KCNH1: variants seen among roughly 807,000 people sequenced by gnomAD.
KCNH1 encodes voltage-gated delayed rectifier potassium channel KCNH1.
Under a neutral mutation model 69.2 loss-of-function variants are expected in KCNH1, and 27 were observed. That is an observed-to-expected ratio of 0.39 (90% confidence interval 0.29 to 0.54). The LOEUF (loss-of-function observed/expected upper bound fraction) is 0.54, where lower values mean the gene tolerates loss of function less well. Ranked by LOEUF, KCNH1 falls within the 20% of genes least tolerant of loss-of-function variation. The pLI is 0.68. For synonymous variants in KCNH1, 456 were observed against 487.7 expected, an observed-to-expected ratio of 0.93 and a Z score of 0.86; for missense variants, 798 against 1,261.6, an observed-to-expected ratio of 0.63 and a Z score of 5.57.
chr1:211,075,622 G>A (rs1368996712), intron 5 of KCNH1, among the ~76,000 whole-genome samples: 1 of 152,242 alleles, frequency 6.6e-6, no homozygotes, highest in African/African-American at 2.4e-5. Flanking sequence ...ATCCAAGATG[G>A]CCGAATAGGA....
chr1:210,763,005 C>T (rs927706837), intron 10 of KCNH1, among the ~76,000 whole-genome samples: 1 of 152,066 alleles, frequency 6.6e-6, no homozygotes, highest in Non-Finnish European at 1.5e-5. Flanking sequence ...TCCAGCAGCA[C>T]ATCAAAAAGT....
At chr1:210,937,401 C>T (rs1023608624) in intron 6 of KCNH1, among the ~76,000 whole-genome samples, 3 of 152,146 alleles carry the variant, frequency 2.0e-5, no homozygotes, top group African/African-American at 7.2e-5. Context: ...GCCAGAATAC[C>T]TGCTTTTCCA....
chr1:210,825,418 A>G (rs988615123), intron 7 of KCNH1, among the ~76,000 whole-genome samples: 1 of 152,228 alleles, frequency 6.6e-6, no homozygotes, highest in Non-Finnish European at 1.5e-5. Flanking sequence ...ATATGAGTAC[A>G]TGGCAGTGAA....
chr1:210,964,667 A>G (rs768368710), intron 6 of KCNH1, among the ~76,000 whole-genome samples: 4 of 152,222 alleles, frequency 2.6e-5, no homozygotes, highest in Non-Finnish European at 4.4e-5. Flanking sequence ...AAATTCTACC[A>G]GAGATACAAG....
intron 10 of KCNH1, among the ~76,000 whole-genome samples, chr1:210,730,786 G>A (rs12563193): frequency 0.038 from 5,721 of 152,198 alleles, 179 homozygotes; most frequent in East Asian, 0.15. Flanking sequence ...TTTTTGCTTT[G>A]TTCTTTTCAA....
chr1:210,796,872 C>T (rs1340357432), intron 9 of KCNH1, among the ~76,000 whole-genome samples: 3 of 152,088 alleles, frequency 2.0e-5, no homozygotes, highest in Non-Finnish European at 4.4e-5. Context: ...TTCTAAAGTA[C>T]AAATCTCATC....
chr1:210,886,881 G>A (rs1686621543), intron 7 of KCNH1, among the ~76,000 whole-genome samples: 1 of 152,058 alleles, frequency 6.6e-6, no homozygotes, highest in African/African-American at 2.4e-5. Flanking sequence ...AAGCCTATAA[G>A]AAAAGTGGGA....
intron 6 of KCNH1, among the ~76,000 whole-genome samples, chr1:210,962,697 A>G (rs988630160): frequency 1.3e-5 from 2 of 151,802 alleles, no homozygotes; most frequent in African/African-American, 4.8e-5. Flanking sequence ...AATCATAAAA[A>G]CAATGCTGCT....
chr1:210,864,556 C>T (rs950786296), intron 7 of KCNH1, among the ~76,000 whole-genome samples: 2 of 152,116 alleles, frequency 1.3e-5, no homozygotes, highest in African/African-American at 2.4e-5. Flanking sequence ...CGGATGGTAA[C>T]CCTAAGGGTT....
At chr1:210,938,297 T>C (rs559414173) in intron 6 of KCNH1, among the ~76,000 whole-genome samples, 48 of 152,354 alleles carry the variant, frequency 3.2e-4, no homozygotes, top group African/African-American at 1.2e-3. Flanking sequence ...TAAATTATTT[T>C]CTTATCTATA....
Position 211,002,528 on chromosome 1 carries a change from G to C in KCNH1, c.1032+16255C>G. Among the ~76,000 whole-genome samples the C allele has an allele frequency of 1.3e-5, 2 of 151,936 alleles. 1 individual carries two copies. The highest frequency in any genetic ancestry group is 2.9e-5 in the Non-Finnish European group (2 of 68,006). ...TAGGATGAAACCCACAGAGAGTTCA[G>C]ATTATGGAGTTATTGAATGTAGACA... On this transcript the variant is annotated intron_variant, in intron 6 of 10. Transcript: ENST00000271751.
chr1:210,916,172 G>A (rs141800904), intron 7 of KCNH1, among the ~76,000 whole-genome samples: 61 of 151,996 alleles, frequency 4.0e-4, no homozygotes, highest in African/African-American at 1.4e-3. Context: ...GTGTATACAC[G>A]GGCAAAAAAG....
chr1:210,975,937 G>A (rs573577675), intron 6 of KCNH1, among the ~76,000 whole-genome samples: 74 of 152,228 alleles, frequency 4.9e-4, no homozygotes, highest in African/African-American at 1.6e-3. Context: ...AAAAGTAGGC[G>A]AAGGATATGA....
chr1:210,768,681 G>A (rs1415811226), intron 10 of KCNH1, among the ~76,000 whole-genome samples: 1 of 152,196 alleles, frequency 6.6e-6, no homozygotes, highest in Non-Finnish European at 1.5e-5. Context: ...GAGCCTGGAT[G>A]TGAAGATCTA....
At chr1:211,044,994 G>A (rs1203038575) in intron 5 of KCNH1, among the ~76,000 whole-genome samples, 1 of 137,604 alleles carries the variant, frequency 7.3e-6, no homozygotes, top group African/African-American at 2.7e-5. Flanking sequence ...GCAAAAATGT[G>A]GGACCAACCC....
At chr1:210,689,673 G>C (rs1281395016) in intron 10 of KCNH1, among the ~76,000 whole-genome samples, 4 of 152,222 alleles carry the variant, frequency 2.6e-5, no homozygotes, top group Admixed American at 6.5e-5. Flanking sequence ...GCAGTAGAAA[G>C]AGCACTGGCT....
intron 6 of KCNH1, among the ~76,000 whole-genome samples, chr1:210,975,222 T>C (rs1055937704): frequency 6.6e-6 from 1 of 152,228 alleles, no homozygotes; most frequent in Non-Finnish European, 1.5e-5. Context: ...ATAGTTTTGA[T>C]ATATTAGAAT....
At chr1:210,849,730 T>C (rs979983401) in intron 7 of KCNH1, among the ~76,000 whole-genome samples, 1 of 151,996 alleles carries the variant, frequency 6.6e-6, no homozygotes, top group Non-Finnish European at 1.5e-5. Flanking sequence ...AAAGAATAGC[T>C]ACTTAGATGG....
At chr1:211,076,416 C>T (rs774328158) in intron 5 of KCNH1, among the ~76,000 whole-genome samples, 1 of 149,192 alleles carries the variant, frequency 6.7e-6, no homozygotes, top group Non-Finnish European at 1.5e-5. Context: ...ATTTGCTGTT[C>T]TGCAATATTT....
Sources: allele counts gnomAD v4.1 joint callset (sites outside exome capture counted in the v4.1 genomes callset), GRCh38; gene constraint gnomAD v4.1.1; transcripts MANE v1.5; gene names NCBI Gene and HGNC (gene_info 2026-07-23, HGNC 2026-07-21).